Variants in PCSK6 observed in about 807,000 individuals in gnomAD.
PCSK6 encodes the protein proprotein convertase subtilisin/kexin type 6.
Under a neutral mutation model 123.3 loss-of-function variants are expected in PCSK6, and 85 were observed. The ratio of observed to expected loss-of-function variants is 0.69; its 90% CI spans 0.58 to 0.83. The LOEUF (loss-of-function observed/expected upper bound fraction) is 0.83. PCSK6 is among the 40% of genes least tolerant of loss of function. The probability of loss-of-function intolerance (pLI) is 0.00; values close to 1 mark genes in which losing one functional copy is unlikely to be tolerated. For synonymous variants in PCSK6, 508 were observed against 516.0 expected (o/e 0.98, Z 0.21); for missense variants, 1,191 against 1,282.3 (o/e 0.93, Z 1.09).
chr15:101,477,731 G>A (rs986550497), intron 1 of PCSK6, among the ~76,000 whole-genome samples: 2 of 152,176 alleles, frequency 1.3e-5, no homozygotes, highest in Non-Finnish European at 2.9e-5. Context: ...GCAACTGTGG[G>A]TCCCCCTCCA....
chr15:101,465,690 A>AGG (rs11422929), intron 1 of PCSK6, among the ~76,000 whole-genome samples: 1 of 151,922 alleles, frequency 6.6e-6, no homozygotes, highest in Non-Finnish European at 1.5e-5. Context: ...TGGGGCCGTG[A>AGG]GGGGGACATT....
intron 13 of PCSK6, among the ~76,000 whole-genome samples, chr15:101,335,043 C>G (rs1354254016): frequency 6.6e-6 from 1 of 152,148 alleles, no homozygotes; most frequent in Non-Finnish European, 1.5e-5. Flanking sequence ...CACTGCAGCC[C>G]CAACTTCCCA....
At chr15:101,311,156 T>TG (rs765909498) in intron 20 of PCSK6, among the ~76,000 whole-genome samples, 25 of 151,978 alleles carry the variant, frequency 1.6e-4, no homozygotes, top group Non-Finnish European at 2.9e-4. Flanking sequence ...CTGTCGCTCA[T>TG]GCTGGAGTGC....
intron 1 of PCSK6, among the ~76,000 whole-genome samples, chr15:101,450,899 C>G (rs2057016950): frequency 6.6e-6 from 1 of 152,058 alleles, no homozygotes; most frequent in South Asian, 2.1e-4. Context: ...GCAGGCAAGG[C>G]CTGGCCGGGC....
At chr15:101,326,196 T>G (rs1330637189) in intron 16 of PCSK6, among the ~76,000 whole-genome samples, 181 bp downstream of exon 16, 8 of 152,250 alleles carry the variant, frequency 5.3e-5, no homozygotes, top group Non-Finnish European at 1.0e-4. Context: ...ATGTATGACT[T>G]GCATGATAGG....
Position 101,393,364 on chromosome 15 carries a change from C to T in PCSK6, c.1057G>A (p.Asp353Asn). The T allele has an allele frequency of 1.2e-6, 2 of 1,606,290 alleles. No individual in the cohort carries two copies. The highest frequency in any genetic ancestry group is 1.3e-5 in the African/African-American group (1 of 74,650). Reference protein sequence around the residue: ...WASGNGGREGDYCSCDGYTNS... With the variant: ...WASGNGGREGNYCSCDGYTNS... ...GTGTAGCCATCGCACGAGCAGTAGT[C>T]CCCCTCTCTCCCGCCATTCCCAGAT... The change falls in exon 8 of 22, where the codon GAC becomes AAC. Residue 353 changes from aspartate (D) to asparagine (N), a missense_variant. Asp to Asn is a conservative substitution (Grantham distance 23). Transcript: ENST00000611716.
At chr15:101,350,285 T>G (rs1326910790) in intron 13 of PCSK6, among the ~76,000 whole-genome samples, 1 of 152,236 alleles carries the variant, frequency 6.6e-6, no homozygotes, top group East Asian at 1.9e-4. Flanking sequence ...TCTTTACGAA[T>G]TGCTTTTCAG....
intron 19 of PCSK6, 182 bp from the exon 20 acceptor site, chr15:101,313,687 A>T: frequency 1.3e-6 from 1 of 775,558 alleles, no homozygotes; most frequent in East Asian, 2.8e-5. Flanking sequence ...GGAGGTGGGC[A>T]TCGCCATCAC....
At chr15:101,461,839 A>T (rs189743311) in intron 1 of PCSK6, among the ~76,000 whole-genome samples, 1 of 152,318 alleles carries the variant, frequency 6.6e-6, no homozygotes, top group Admixed American at 6.5e-5. Flanking sequence ...AAAGGCATTT[A>T]CAAAAAACAA....
chr15:101,380,656 G>C (rs1235509629), intron 11 of PCSK6, among the ~76,000 whole-genome samples: 1 of 152,194 alleles, frequency 6.6e-6, no homozygotes, highest in Non-Finnish European at 1.5e-5. Flanking sequence ...TTTTTCAAAA[G>C]ATCCTTCTGT....
chr15:101,374,830 A>G (rs2041686566), intron 11 of PCSK6, among the ~76,000 whole-genome samples: 1 of 152,170 alleles, frequency 6.6e-6, no homozygotes, highest in South Asian at 2.1e-4. Context: ...CACTTCTCAG[A>G]CCTGTGTTCC....
chr15:101,323,602 G>T (rs779882178), intron 17 of PCSK6, among the ~76,000 whole-genome samples: 13 of 152,090 alleles, frequency 8.5e-5, no homozygotes, highest in Non-Finnish European at 1.8e-4. Flanking sequence ...GCGTGATGGC[G>T]CATGCCTGTA....
intron 16 of PCSK6, 24 bp from the exon 17 acceptor site, chr15:101,325,070 T>C (rs751021500): frequency 6.4e-7 from 1 of 1,574,460 alleles, no homozygotes; most frequent in Non-Finnish European, 8.6e-7. Flanking sequence ...GGCAGGAGGG[T>C]GAGGGCCTTG....
In PCSK6 at chr15:101,352,384, G is replaced by A. The variant is rs148928575; in HGVS notation, c.1858+13812C>T. Among the ~76,000 whole-genome samples the A allele has an allele frequency of 1.3e-3, 197 of 152,146 alleles. 3 individuals are homozygous for A. In the East Asian group the frequency reaches 0.032, roughly 25 times the overall value. Reference sequence around the variant, plus strand: ...GGATGGTCTTGGATCTCCTGACCTCGTGATCCACCTGCCTTGGCCTCCCAA... The same window carrying A: ...GGATGGTCTTGGATCTCCTGACCTCATGATCCACCTGCCTTGGCCTCCCAA... On this transcript the variant is annotated intron_variant, in intron 13 of 21. Coordinates refer to ENST00000611716, the MANE Select transcript of PCSK6 (RefSeq NM_002570.5).
chr15:101,391,252 G>C (rs2042225752), intron 8 of PCSK6, among the ~76,000 whole-genome samples: 1 of 152,220 alleles, frequency 6.6e-6, no homozygotes, highest in South Asian at 2.1e-4. Flanking sequence ...AGATTTCAGG[G>C]GTTCTCGGCA....
intron 18 of PCSK6, among the ~76,000 whole-genome samples, chr15:101,322,055 G>T (rs148250727): frequency 3.7e-4 from 57 of 152,324 alleles, no homozygotes; most frequent in African/African-American, 1.3e-3. Flanking sequence ...TTATGGGGCT[G>T]AGCCTGATGA....
At chr15:101,346,769 T>C (rs2040740919) in intron 13 of PCSK6, 6 of 1,230,538 alleles carry the variant, frequency 4.9e-6, no homozygotes, top group Non-Finnish European at 6.1e-6. Flanking sequence ...TTTGCAAAAA[T>C]TAGCTATGAG....
At chr15:101,441,133 GAGA>G (rs1489324604) in intron 2 of PCSK6, among the ~76,000 whole-genome samples, 1 of 152,164 alleles carries the variant, frequency 6.6e-6, no homozygotes. Context: ...GAAGCTCTGT[GAGA>G]AGGAGATTTT....
chr15:101,478,106 C>T (rs2057777423), intron 1 of PCSK6, among the ~76,000 whole-genome samples: 1 of 152,156 alleles, frequency 6.6e-6, no homozygotes, highest in African/African-American at 2.4e-5. Context: ...GTAGCCTTTC[C>T]TAATAGACAC....
Sources: gnomAD v4.1 joint callset for allele counts (sites outside exome capture counted in the v4.1 genomes callset) on GRCh38, gnomAD v4.1.1 for gene constraint, MANE v1.5 for transcripts, NCBI Gene and HGNC (gene_info 2026-07-23, HGNC 2026-07-21) for gene names.